Variants in CHIC2 observed in about 807,000 individuals in gnomAD.
CHIC2 encodes the protein cysteine rich hydrophobic domain 2.
A neutral mutation model predicts 25.9 loss-of-function variants in CHIC2; 14 were observed. The ratio of observed to expected loss-of-function variants is 0.54; its 90% CI spans 0.36 to 0.85. The LOEUF (loss-of-function observed/expected upper bound fraction) is 0.85. Among genes scored for constraint, CHIC2 ranks in the 40% least tolerant of loss-of-function variants. CHIC2 has a pLI of 0.01. For synonymous variants in CHIC2, 70 were observed against 72.0 expected, an observed-to-expected ratio of 0.97 and a Z score of 0.14; for missense variants, 146 against 202.0, an observed-to-expected ratio of 0.72 and a Z score of 1.68.
At chr4:54,040,014 C>T (rs569452961) in intron 3 of CHIC2, among the ~76,000 whole-genome samples, 1 of 152,132 alleles carries the variant, frequency 6.6e-6, no homozygotes, top group African/African-American at 2.4e-5. Flanking sequence ...GACAACAGAT[C>T]ACTGGTTGCC....
chr4:54,043,619 C>A (rs183567048), intron 3 of CHIC2, among the ~76,000 whole-genome samples: 90 of 152,192 alleles, frequency 5.9e-4, no homozygotes, highest in Admixed American at 1.4e-3. Flanking sequence ...ATTCTGTCAG[C>A]ACCAGGCCTG....
chr4:54,038,976 T>C (rs541109530), intron 3 of CHIC2, among the ~76,000 whole-genome samples: 8 of 152,306 alleles, frequency 5.3e-5, no homozygotes, highest in Admixed American at 1.3e-4. Flanking sequence ...ACAGGTATTG[T>C]TGACTGATTT....
At chr4:54,023,577 C>T (rs1025947325) in intron 3 of CHIC2, among the ~76,000 whole-genome samples, 3 of 152,086 alleles carry the variant, frequency 2.0e-5, no homozygotes, top group African/African-American at 7.2e-5. Flanking sequence ...CTCCATTTCC[C>T]CATATTTCCT....
chr4:54,023,517 T>C (rs1715966866), intron 3 of CHIC2, among the ~76,000 whole-genome samples: 1 of 152,174 alleles, frequency 6.6e-6, no homozygotes, highest in South Asian at 2.1e-4. Context: ...TTATTCTGGA[T>C]ACCACACCTG....
chr4:54,014,994 G>T (rs766326270), intron 3 of CHIC2, among the ~76,000 whole-genome samples: 6 of 152,090 alleles, frequency 3.9e-5, no homozygotes, highest in Non-Finnish European at 7.4e-5. Context: ...AGAAGTACTA[G>T]TAATCAAATA....
At chr4:54,040,882 C>A (rs1232858184) in intron 3 of CHIC2, among the ~76,000 whole-genome samples, 1 of 150,802 alleles carries the variant, frequency 6.6e-6, no homozygotes, top group Admixed American at 6.6e-5. Context: ...CCGTCTCAAT[C>A]ATAATAAGAA....
chr4:54,032,908 G>A (rs1222596320), intron 3 of CHIC2, among the ~76,000 whole-genome samples: 1 of 152,144 alleles, frequency 6.6e-6, no homozygotes, highest in East Asian at 1.9e-4. Flanking sequence ...TTGGAGGTGG[G>A]GCCTCGTGGA....
intron 3 of CHIC2, among the ~76,000 whole-genome samples, chr4:54,033,975 T>C (rs934801668): frequency 3.9e-5 from 6 of 152,168 alleles, no homozygotes; most frequent in Non-Finnish European, 7.4e-5. Flanking sequence ...CAGAGTTGTT[T>C]TGCTTTTGTA....
chr4:54,065,431 AAAAGACCTGAAAG>A, upstream of CHIC2: 1 of 467,624 alleles, frequency 2.1e-6, no homozygotes, highest in East Asian at 1.5e-4. Flanking sequence ...CCTACCACAA[AAAAGACCTGAAAG>A]AAAGGGCAGA....
At position 54,064,339 on chromosome 4, in the gene CHIC2, C is replaced by A. The variant is rs754379059; in HGVS notation, c.-39G>T. 4 of 1,611,078 alleles carry A rather than the reference C, an allele frequency of 2.5e-6. No homozygotes were observed. The highest frequency in any genetic ancestry group is 3.4e-6 in the Non-Finnish European group (4 of 1,178,548). On this transcript the variant is annotated 5_prime_UTR_variant, in exon 1 of 6. Coordinates refer to ENST00000263921, the MANE Select transcript of CHIC2 (RefSeq NM_012110.4). The surrounding 1 kb of genome is among the most constrained non-coding windows in gnomAD (Gnocchi z 4.2). ...GCTCCCCTGCCCAAAGGGCCTGACT[C>A]CCGGGGTTGGCGCCGGGGTACCGGC...
At chr4:54,073,521 C>A in the CHIC2 span, among the ~76,000 whole-genome samples, 1 of 152,206 alleles carries the variant, frequency 6.6e-6, no homozygotes. Context: ...TATGGAGAGA[C>A]TCACATGAAC....
chr4:54,012,600 T>A (rs1638416580), intron 5 of CHIC2, among the ~76,000 whole-genome samples: 1 of 152,078 alleles, frequency 6.6e-6, no homozygotes, highest in Admixed American at 6.6e-5. Context: ...ATTCTTTACA[T>A]CTCCTATCCA....
At chr4:54,077,418 G>A in the CHIC2 span, among the ~76,000 whole-genome samples, 2 of 152,114 alleles carry the variant, frequency 1.3e-5, no homozygotes, top group Non-Finnish European at 2.9e-5. Flanking sequence ...GAGCCATATT[G>A]CAGTGCAGTG....
the CHIC2 span, among the ~76,000 whole-genome samples, chr4:54,085,726 A>G: frequency 6.6e-6 from 1 of 152,236 alleles, no homozygotes; most frequent in Non-Finnish European, 1.5e-5. Flanking sequence ...ACAGGCCGAC[A>G]GTGGAGGGAG....
At chr4:54,046,370 T>C (rs1199195754) in intron 3 of CHIC2, among the ~76,000 whole-genome samples, 1 of 152,134 alleles carries the variant, frequency 6.6e-6, no homozygotes, top group Non-Finnish European at 1.5e-5. Flanking sequence ...AGAACAAAGC[T>C]GGAGGCATCA....
At chr4:54,029,850 T>C (rs1272219078) in intron 3 of CHIC2, among the ~76,000 whole-genome samples, 1 of 152,188 alleles carries the variant, frequency 6.6e-6, no homozygotes, top group Non-Finnish European at 1.5e-5. Flanking sequence ...CTGCTTATGA[T>C]TCCCCCAGGT....
intron 3 of CHIC2, among the ~76,000 whole-genome samples, chr4:54,046,434 T>C (rs369533823): frequency 6.6e-5 from 10 of 152,290 alleles, no homozygotes; most frequent in Non-Finnish European, 1.2e-4. Context: ...AACAGCATGG[T>C]ACTGGTACCA....
At chr4:54,041,564 A>G (rs987892939) in intron 3 of CHIC2, among the ~76,000 whole-genome samples, 2 of 152,158 alleles carry the variant, frequency 1.3e-5, no homozygotes, top group African/African-American at 2.4e-5. Context: ...TCTTCCTATC[A>G]TATCATTATT....
chr4:54,029,015 C>T (rs1302642676), intron 3 of CHIC2, among the ~76,000 whole-genome samples: 1 of 151,914 alleles, frequency 6.6e-6, no homozygotes, highest in Non-Finnish European at 1.5e-5. Flanking sequence ...CCCAGCTACT[C>T]TGGAGGCTGA....
Sources: allele counts gnomAD v4.1 joint callset (sites outside exome capture counted in the v4.1 genomes callset), GRCh38; gene constraint gnomAD v4.1.1; non-coding constraint Gnocchi (gnomAD v3.1); transcripts MANE v1.5; gene names NCBI Gene and HGNC (gene_info 2026-07-23, HGNC 2026-07-21).